Variants in TIAM2 observed in about 807,000 individuals in gnomAD.
The protein encoded by TIAM2 is TIAM Rac1 associated GEF 2.
A neutral mutation model predicts 152.9 loss-of-function variants in TIAM2; 80 were observed. That is an observed-to-expected ratio of 0.52 (90% CI 0.44 to 0.63). TIAM2 has a LOEUF of 0.63. Ranked by LOEUF, TIAM2 falls within the 30% of genes least tolerant of loss-of-function variation. TIAM2 has a pLI of 0.00. For missense variants in TIAM2, 1,965 were observed against 2,120.1 expected, an observed-to-expected ratio of 0.93 and a Z score of 1.44; for synonymous variants, 804 against 838.0, an observed-to-expected ratio of 0.96 and a Z score of 0.70.
chr6:155,035,792 T>C (rs974630687), intron 1 of TIAM2, among the ~76,000 whole-genome samples: 1 of 152,212 alleles, frequency 6.6e-6, no homozygotes, highest in Non-Finnish European at 1.5e-5. Context: ...ACTCGGTAGA[T>C]GGTAATTAAT....
Position 155,193,618 on chromosome 6 carries a change from C to T in TIAM2, c.3064+10118C>T, listed in dbSNP as rs919837729. ...GTTCTTGAAAAAAGACAGTTAGTTC[C>T]GCTCCCAACACAGTTGTACATATGT... is the stretch of plus-strand genomic sequence containing the variant. On this transcript the variant is annotated intron_variant, in intron 14 of 26. Coordinates refer to ENST00000682666, the MANE Select transcript of TIAM2 (RefSeq NM_012454.4). 7.9e-5 allele frequency among the ~76,000 whole-genome samples: 12 copies of T among 152,032 alleles called. No homozygotes were observed. In the East Asian group the frequency reaches 1.7e-3, roughly 22 times the overall value.
At chr6:155,012,717 A>G (rs1230086766) in intron 1 of TIAM2, among the ~76,000 whole-genome samples, 1 of 152,016 alleles carries the variant, frequency 6.6e-6, no homozygotes, top group Non-Finnish European at 1.5e-5. Flanking sequence ...TGCCTGGCTA[A>G]TCTTTGTAGT....
At chr6:155,122,362 G>A (rs1779176892) in intron 2 of TIAM2, among the ~76,000 whole-genome samples, 1 of 152,048 alleles carries the variant, frequency 6.6e-6, no homozygotes, top group Admixed American at 6.6e-5. Context: ...GAGAATGGAA[G>A]GTAGGATTTT....
At chr6:155,031,928 A>T (rs1235968918) in intron 1 of TIAM2, among the ~76,000 whole-genome samples, 1 of 152,198 alleles carries the variant, frequency 6.6e-6, no homozygotes, top group East Asian at 1.9e-4. Flanking sequence ...AATTTGAGGT[A>T]TCTATGAAAG....
At chr6:155,071,914 TAATAA>T (rs1259385299) in intron 1 of TIAM2, among the ~76,000 whole-genome samples, 4 of 147,002 alleles carry the variant, frequency 2.7e-5, no homozygotes, top group Admixed American at 6.8e-5. Flanking sequence ...AAAAAAAAAG[TAATAA>T]AATAAAAGTA....
chr6:155,152,454 C>T (rs1779996896), intron 7 of TIAM2, among the ~76,000 whole-genome samples: 1 of 152,210 alleles, frequency 6.6e-6, no homozygotes, highest in Admixed American at 6.5e-5. Context: ...TACCTCCCCG[C>T]TCTCTGTCTG....
At chr6:155,191,165 G>C (rs538797784) in intron 14 of TIAM2, among the ~76,000 whole-genome samples, 1 of 152,262 alleles carries the variant, frequency 6.6e-6, no homozygotes, top group East Asian at 1.9e-4. Context: ...AAGCTACATC[G>C]GGCAGTGGTG....
rs1778446045 is a variant in TIAM2 at position 155,009,132 on chromosome 6, C to T, written c.-209+13640C>T. On this transcript the variant is annotated intron_variant, in intron 1 of 26. Transcript: ENST00000682666. ...TTTTTTTTTTTTTGAGGCAGGGTCTCGCTCTGTCACCGAGGCTGGAGTGTA... is the reference window on the plus strand; with the variant it reads ...TTTTTTTTTTTTTGAGGCAGGGTCTTGCTCTGTCACCGAGGCTGGAGTGTA... Among the ~76,000 whole-genome samples, 3 of 133,802 alleles carry T rather than the reference C, an allele frequency of 2.2e-5. No homozygotes were observed. The South Asian group carries it at 7.4e-4, about 33-fold the overall frequency. 87.8% of individuals were successfully genotyped at this position (133,802 alleles called of 152,430 possible).
chr6:155,221,995 C>G (rs959225817), intron 15 of TIAM2, among the ~76,000 whole-genome samples: 4 of 151,708 alleles, frequency 2.6e-5, no homozygotes, highest in Non-Finnish European at 5.9e-5. Context: ...ACTTTGTTGC[C>G]CAGGCTGGAG....
intron 7 of TIAM2, among the ~76,000 whole-genome samples, chr6:155,152,121 G>A (rs1779986099): frequency 6.6e-6 from 1 of 152,166 alleles, no homozygotes; most frequent in African/African-American, 2.4e-5. Flanking sequence ...GGGATTACAG[G>A]TGTAAGCCAC....
intron 1 of TIAM2, among the ~76,000 whole-genome samples, chr6:155,023,232 T>C (rs1776534212): frequency 6.6e-6 from 1 of 152,172 alleles, no homozygotes; most frequent in South Asian, 2.1e-4. Context: ...TGGGAATCTC[T>C]GCTCTAGAAG....
chr6:155,112,170 G>T (rs1778870590), intron 2 of TIAM2, among the ~76,000 whole-genome samples: 1 of 144,048 alleles, frequency 6.9e-6, no homozygotes, highest in Non-Finnish European at 1.5e-5. Flanking sequence ...CTGTTGCCCA[G>T]GCTGGACTGC....
intron 14 of TIAM2, among the ~76,000 whole-genome samples, chr6:155,210,377 G>A (rs1442803454): frequency 6.6e-6 from 1 of 151,480 alleles, no homozygotes; most frequent in Admixed American, 6.6e-5. Context: ...GGATTGCAGT[G>A]GCACGATTAC....
At chr6:155,172,073 A>G (rs1435858141) in intron 9 of TIAM2, among the ~76,000 whole-genome samples, 1 of 152,210 alleles carries the variant, frequency 6.6e-6, no homozygotes, top group Non-Finnish European at 1.5e-5. Context: ...CATACTGAGC[A>G]TAAGTAATTT....
At chr6:155,050,826 A>G (rs1777302599) in intron 1 of TIAM2, among the ~76,000 whole-genome samples, 1 of 152,158 alleles carries the variant, frequency 6.6e-6, no homozygotes. Context: ...CATCTATTTT[A>G]TTCCTTACCC....
At chr6:155,249,998 C>G (rs768892021) in intron 21 of TIAM2, 29 bp downstream of exon 21, 8 of 1,568,616 alleles carry the variant, frequency 5.1e-6, no homozygotes, top group Non-Finnish European at 6.1e-6. Flanking sequence ...CCCTGGGAGC[C>G]TAGTGCATGT....
chr6:155,222,647 G>T (rs1390335144), intron 15 of TIAM2, among the ~76,000 whole-genome samples: 4 of 151,280 alleles, frequency 2.6e-5, no homozygotes, highest in African/African-American at 4.9e-5. Context: ...AAAACCATGG[G>T]TTTTTTGCCC....
intron 2 of TIAM2, among the ~76,000 whole-genome samples, chr6:155,124,998 C>T (rs1779258979): frequency 6.6e-6 from 1 of 151,868 alleles, no homozygotes. Flanking sequence ...CCACTGAGGC[C>T]GGGTGTGGTG....
Position 155,110,658 on chromosome 6 carries a change from G to C in TIAM2, c.-117-16832G>C, listed in dbSNP as rs537190033. Among the ~76,000 whole-genome samples the C allele has an allele frequency of 2.6e-5, 4 of 152,274 alleles. No homozygotes were observed. In the East Asian group the frequency reaches 5.8e-4, roughly 22 times the overall value. On this transcript the variant is annotated intron_variant, in intron 2 of 26. Coordinates refer to ENST00000682666, the MANE Select transcript of TIAM2 (RefSeq NM_012454.4). ...TCACATTCCAATAGAAGACTGTTTA[G>C]GTTTTGTTACTTCTGTGCCTTACAA...
Sources: allele counts gnomAD v4.1 joint callset (sites outside exome capture counted in the v4.1 genomes callset), GRCh38; gene constraint gnomAD v4.1.1; transcripts MANE v1.5; gene names NCBI Gene and HGNC (gene_info 2026-07-23, HGNC 2026-07-21).